MAP2: variants seen among roughly 807,000 people sequenced by gnomAD.
MAP2 encodes microtubule associated protein 2.
In MAP2, 14 loss-of-function variants were observed where a neutral mutation model predicts 137.6. That is an observed-to-expected ratio of 0.10 (90% CI 0.07 to 0.16). The LOEUF is 0.16. Ranked by LOEUF, MAP2 falls within the 10% of genes least tolerant of loss-of-function variation. The pLI is 1.00. For synonymous variants in MAP2, 786 were observed against 782.3 expected (o/e 1.00, Z -0.08); for missense variants, 2,088 against 2,191.5 (o/e 0.95, Z 0.94).
chr2:209,539,276 G>T lies in MAP2; in HGVS notation c.-172+31635G>T, dbSNP rs182729973. On this transcript the variant is annotated intron_variant, in intron 2 of 15. Transcript: ENST00000682079. Reference sequence around the variant, plus strand: ...GTAAATAACTTATTAAATATTAATGGAATTGCATTTCTGTAATTGTTGTGA... The same window carrying T: ...GTAAATAACTTATTAAATATTAATGTAATTGCATTTCTGTAATTGTTGTGA... 9.6e-3 allele frequency among the ~76,000 whole-genome samples: 1,456 copies of T among 152,254 alleles called. 18 individuals carry two copies. The highest frequency in any genetic ancestry group is 0.034 in the African/African-American group (1,397 of 41,534).
At chr2:209,480,635 AG>A (rs1266079662) in intron 1 of MAP2, among the ~76,000 whole-genome samples, 1 of 152,096 alleles carries the variant, frequency 6.6e-6, no homozygotes, top group Non-Finnish European at 1.5e-5. Flanking sequence ...TTTATGTATC[AG>A]TCATTTTGTG....
chr2:209,675,444 C>G (rs1171787666), intron 5 of MAP2, among the ~76,000 whole-genome samples: 1 of 151,848 alleles, frequency 6.6e-6, no homozygotes, highest in Non-Finnish European at 1.5e-5. Context: ...ACGATTAGTA[C>G]TGGCTGATAC....
chr2:209,609,822 C>G (rs769649154), intron 3 of MAP2, among the ~76,000 whole-genome samples: 2 of 152,094 alleles, frequency 1.3e-5, no homozygotes, highest in Non-Finnish European at 2.9e-5. Flanking sequence ...GAGATTGTGT[C>G]CCAAAGTGGT....
intron 2 of MAP2, among the ~76,000 whole-genome samples, chr2:209,527,468 C>T (rs890515482): frequency 6.6e-6 from 1 of 152,136 alleles, no homozygotes; most frequent in South Asian, 2.1e-4. Flanking sequence ...CTACTGTTGT[C>T]TGGTCTTCCC....
At chr2:209,514,491 C>T (rs1368361152) in intron 2 of MAP2, among the ~76,000 whole-genome samples, 1 of 152,036 alleles carries the variant, frequency 6.6e-6, no homozygotes, top group African/African-American at 2.4e-5. Flanking sequence ...AATTCACTGA[C>T]CAGCTAATCT....
chr2:209,514,847 T>G (rs1017136012), intron 2 of MAP2, among the ~76,000 whole-genome samples: 1 of 152,064 alleles, frequency 6.6e-6, no homozygotes, highest in Non-Finnish European at 1.5e-5. Flanking sequence ...GAATATGACA[T>G]ACAATACACA....
At chr2:209,725,848 G>T in intron 14 of MAP2, 58 bp downstream of exon 14, 1 of 1,224,250 alleles carries the variant, frequency 8.2e-7, no homozygotes, top group Non-Finnish European at 1.1e-6. Flanking sequence ...AGAAAGGGAT[G>T]AGAAAATTTT....
chr2:209,513,605 C>T (rs78283536), intron 2 of MAP2, among the ~76,000 whole-genome samples: 4,615 of 152,108 alleles, frequency 0.03, 88 homozygotes, highest in South Asian at 0.069. Context: ...TATCCTCTCT[C>T]GGCCCCCTAT....
intron 1 of MAP2, among the ~76,000 whole-genome samples, chr2:209,442,404 G>A (rs1050224587): frequency 2.6e-5 from 4 of 151,580 alleles, no homozygotes; most frequent in Non-Finnish European, 5.9e-5. Flanking sequence ...ATGGGTTGGT[G>A]AACAATTTCT....
chr2:209,641,243 A>G (rs542453276), intron 4 of MAP2, among the ~76,000 whole-genome samples: 6 of 152,266 alleles, frequency 3.9e-5, no homozygotes, highest in Non-Finnish European at 7.4e-5. Flanking sequence ...AAGAAGATTT[A>G]CTTTTATGGT....
intron 1 of MAP2, among the ~76,000 whole-genome samples, chr2:209,434,943 G>A (rs28558587): frequency 0.54 from 68,669 of 127,492 alleles, 20,448 homozygotes; most frequent in African/African-American, 0.76. Flanking sequence ...TTATATATAT[G>A]TGTTTTATAT....
intron 14 of MAP2, among the ~76,000 whole-genome samples, chr2:209,727,361 A>G (rs1222353136): frequency 1.3e-5 from 2 of 152,224 alleles, no homozygotes; most frequent in African/African-American, 4.8e-5. Context: ...TTCAGAATGC[A>G]AAAGAAAATG....
intron 4 of MAP2, among the ~76,000 whole-genome samples, chr2:209,648,652 G>A (rs1281890677): frequency 6.9e-6 from 1 of 145,332 alleles, no homozygotes; most frequent in Non-Finnish European, 1.5e-5. Context: ...AGCCAGGCAT[G>A]TTGGCGGGCA....
chr2:209,527,673 G>T (rs2064283898), intron 2 of MAP2, among the ~76,000 whole-genome samples: 1 of 152,136 alleles, frequency 6.6e-6, no homozygotes, highest in African/African-American at 2.4e-5. Flanking sequence ...TCCTGATTTG[G>T]CTTCTTTATG....
At chr2:209,573,145 G>A in intron 2 of MAP2, among the ~76,000 whole-genome samples, 1 of 152,082 alleles carries the variant, frequency 6.6e-6, no homozygotes, top group Non-Finnish European at 1.5e-5. Flanking sequence ...CTAACAATTT[G>A]TAATAATCTG....
rs534838418 is a variant in MAP2, at chr2:209,478,670, A to G, written c.-221-28922A>G. Among the ~76,000 whole-genome samples the G allele has an allele frequency of 2.6e-5, 4 of 152,334 alleles. No individual in the cohort carries two copies. In the East Asian group the frequency reaches 7.7e-4, roughly 29 times the overall value. On this transcript the variant is annotated intron_variant, in intron 1 of 15. Coordinates refer to ENST00000682079, the MANE Select transcript of MAP2 (RefSeq NM_001375505.1). ...TAAATAATTTAGGTTTTTGATGTTT[A>G]TCATACATTATTAAAATACCAACTT...
chr2:209,702,397 G>A (rs956915981), intron 11 of MAP2, among the ~76,000 whole-genome samples: 1 of 151,680 alleles, frequency 6.6e-6, no homozygotes, highest in Admixed American at 6.6e-5. Context: ...AAAACCCCGA[G>A]TAACTTTTAT....
intron 7 of MAP2, among the ~76,000 whole-genome samples, chr2:209,683,224 G>T (rs2055521292): frequency 6.6e-6 from 1 of 152,040 alleles, no homozygotes; most frequent in Admixed American, 6.6e-5. Flanking sequence ...TAATATTTTG[G>T]AATTACTTTC....
In MAP2 at chr2:209,733,881, GAA is replaced by G. The variant is rs137944482; in HGVS notation, c.*3492_*3493del. ...AAATCTACTTCAACTTTAGCAAAAA[GAA>G]AAAAAAATCAACAAAAAGTATACTC... is the stretch of plus-strand genomic sequence containing the variant. On this transcript the variant is annotated 3_prime_UTR_variant, in exon 16 of 16. Coordinates refer to ENST00000682079, the MANE Select transcript of MAP2 (RefSeq NM_001375505.1). The G allele has an allele frequency of 2.6e-4, 39 of 151,366 alleles. No homozygotes were observed. Among genetic ancestry groups the G allele is most frequent in the Non-Finnish European group, 4.6e-4 (31 of 67,692 alleles). 9.4% of individuals were successfully genotyped at this position (151,366 alleles called of 1,614,324 possible).
Sources: allele counts gnomAD v4.1 joint callset (sites outside exome capture counted in the v4.1 genomes callset), GRCh38; gene constraint gnomAD v4.1.1; transcripts MANE v1.5; gene names NCBI Gene and HGNC (gene_info 2026-07-23, HGNC 2026-07-21).